The following ASPDH variants were observed in gnomAD, a reference collection of about 807,000 sequenced individuals.
ASPDH encodes aspartate dehydrogenase domain-containing protein.
In ASPDH, 25 loss-of-function variants were observed where a neutral mutation model predicts 30.5. The observed-to-expected ratio is 0.82, with a 90% CI of 0.60 to 1.14. The LOEUF (loss-of-function observed/expected upper bound fraction) is 1.14, where lower values mean the gene tolerates loss of function less well. ASPDH is among the 50% of genes most tolerant of loss of function. ASPDH has a pLI of 0.00. For missense variants in ASPDH, 401 were observed against 381.5 expected (o/e 1.05, Z -0.43); for synonymous variants, 168 against 156.3 (o/e 1.07, Z -0.56).
upstream of ASPDH, chr19:50,514,455 G>A (rs1454459485): frequency 9.9e-6 from 16 of 1,613,782 alleles, no homozygotes; most frequent in South Asian, 3.3e-5. Context: ...GCCTCCCTCC[G>A]CTCTGATCAT....
chr19:50,512,819 G>A lies in ASPDH; in HGVS notation c.283-9C>T. On this transcript the variant is annotated splice_polypyrimidine_tract_variant and intron_variant, in intron 3 of 6. Transcript: ENST00000389208. ...GCTGAGGGGGACCCCACCTGGGGTG[G>A]ATGAAGGAGGGGAGGGTTGAGGTCA... 6.2e-7 allele frequency: 1 copy of A among 1,600,916 alleles called. No homozygotes were observed. The highest frequency in any genetic ancestry group is 8.5e-7 in the Non-Finnish European group (1 of 1,173,438).
chr19:50,512,137 C>G lies in ASPDH; in HGVS notation c.807G>C (p.Leu269=). ...ATVTAFWQSL[L]ACCQLPSRPG... Reference sequence around the variant, plus strand: ...CGGGGGAGAGGGGCCTGGCCGCACCCAGGAGGCTCTGCCAGAAGGCCGTGA... The same window carrying G: ...CGGGGGAGAGGGGCCTGGCCGCACCGAGGAGGCTCTGCCAGAAGGCCGTGA... The change falls in exon 6 of 7, where the codon CTG becomes CTC. Residue 269 remains leucine, a splice_region_variant and synonymous_variant. Coordinates refer to ENST00000389208, the MANE Select transcript of ASPDH (RefSeq NM_001114598.2). The G allele has an allele frequency of 6.4e-7, 1 of 1,550,552 alleles. No homozygotes were observed. The highest frequency in any genetic ancestry group is 8.7e-7 in the Non-Finnish European group (1 of 1,154,444).
chr19:50,513,864 C>A lies in ASPDH; in HGVS notation c.-41G>T. The A allele has an allele frequency of 6.5e-7, 1 of 1,542,098 alleles. No homozygotes were observed. Among genetic ancestry groups the A allele is most frequent in the Non-Finnish European group, 8.7e-7 (1 of 1,143,174 alleles). On this transcript the variant is annotated 5_prime_UTR_variant, in exon 1 of 7. Coordinates refer to ENST00000389208, the MANE Select transcript of ASPDH (RefSeq NM_001114598.2). The surrounding 1 kb of genome is among the most constrained non-coding windows in gnomAD (Gnocchi z 4.9). ...GTCTGGGGCCTGGCTCCCTGGGCTG[C>A]TCGCTGCCCGCTGCACAAGGCCTGG...
At chr19:50,514,703 C>A, upstream of ASPDH, 2 of 1,475,396 alleles carry the variant, frequency 1.4e-6, no homozygotes, top group Non-Finnish European at 1.8e-6. Flanking sequence ...AGGCTCCCTG[C>A]CCCCAGCCAC....
upstream of ASPDH, chr19:50,514,405 A>G (rs1980138853): frequency 6.2e-7 from 1 of 1,603,234 alleles, no homozygotes; most frequent in African/African-American, 1.3e-5. Context: ...CCCGCTGCGC[A>G]GCACGGGTCC....
chr19:50,513,962 C>T (rs1037488653), upstream of ASPDH: 16 of 1,049,518 alleles, frequency 1.5e-5, no homozygotes, highest in African/African-American at 3.2e-5. The surrounding 1 kb of genome is among the most constrained non-coding windows in gnomAD (Gnocchi z 4.9). Context: ...GCAGGCCCAG[C>T]GTGGGGGCGT....
chr19:50,512,512 G>A lies in ASPDH; in HGVS notation c.501C>T (p.His167=), dbSNP rs771058223. Residue 167 remains histidine (H), a synonymous_variant, in exon 5 of 7, where the codon CAC becomes CAT. Transcript: ENST00000389208. ...AGAGCACAGTGCAAGGCCCAGGGCTGTGGGCTGCAGCCAGGGGTCCCTCAA... is the reference window on the plus strand; with the variant it reads ...AGAGCACAGTGCAAGGCCCAGGGCTATGGGCTGCAGCCAGGGGTCCCTCAA... ...FRLEGPLAAA[H]SPGPCTVLYE... is the part of the protein sequence containing the mutation. 12 of 1,541,622 alleles carry A rather than the reference G, an allele frequency of 7.8e-6. No homozygotes were observed. Among genetic ancestry groups the A allele is most frequent in the Non-Finnish European group, 9.6e-6 (11 of 1,147,028 alleles).
In ASPDH at chr19:50,513,886, CTG is replaced by C; in HGVS notation, c.-65_-64del. ...CTGCTCGCTGCCCGCTGCACAAGGC[CTG>C]GGCAGCCGCTGCTCTTTGGACATCT... On this transcript the variant is annotated 5_prime_UTR_variant, in exon 1 of 7. Transcript: ENST00000389208. The surrounding 1 kb of genome is among the most constrained non-coding windows in gnomAD (Gnocchi z 4.9). The C allele has an allele frequency of 6.6e-7, 1 of 1,522,474 alleles. No individual in the cohort carries two copies. Among genetic ancestry groups the C allele is most frequent in the Non-Finnish European group, 8.8e-7 (1 of 1,133,018 alleles). The allele number at this position is 1,522,474 out of a possible 1,614,324, so 94.3% of individuals were successfully genotyped here.
chr19:50,511,820 A>C, intron 6 of ASPDH, 47 bp from the exon 7 acceptor site: 1 of 1,256,254 alleles, frequency 8.0e-7, no homozygotes, highest in African/African-American at 1.7e-5. Context: ...AGAGATGAGG[A>C]GACAGACGCC....
upstream of ASPDH, chr19:50,514,935 A>AATT: frequency 1.0e-6 from 1 of 985,344 alleles, no homozygotes; most frequent in Non-Finnish European, 1.2e-6. Context: ...ATAAGGGAGG[A>AATT]ATTGGCTTCC....
chr19:50,512,485 G>A lies in ASPDH; in HGVS notation c.528C>T (p.Tyr176=), dbSNP rs1437903400. 1.3e-6 allele frequency: 2 copies of A among 1,583,322 alleles called. No individual in the cohort carries two copies. The highest frequency in any genetic ancestry group is 1.3e-5 in the African/African-American group (1 of 74,480). ...GGCAGAGCCCACGGACAGGGCCTTC[G>A]TAGAGCACAGTGCAAGGCCCAGGGC... ...AHSPGPCTVL[Y]EGPVRGLCPF... The change falls in exon 5 of 7, where the codon TAC becomes TAT. Residue 176 remains tyrosine, a synonymous_variant. Coordinates refer to ENST00000389208, the MANE Select transcript of ASPDH (RefSeq NM_001114598.2).
At position 50,511,678 on chromosome 19, in the gene ASPDH, G is replaced by T; in HGVS notation, c.*52C>A. 1.7e-6 allele frequency: 2 copies of T among 1,179,962 alleles called. No homozygotes were observed. Among genetic ancestry groups the T allele is most frequent in the Non-Finnish European group, 2.2e-6 (2 of 908,290 alleles). The allele number at this position is 1,179,962 out of a possible 1,614,324, so 73.1% of individuals were successfully genotyped here. On this transcript the variant is annotated 3_prime_UTR_variant, in exon 7 of 7. Transcript: ENST00000389208. ...AGTGGGGCAGGGCAGGGGTGGGATGGTGGTGGTGAGAGGCCAGGCAGATGA... is the reference window on the plus strand; with the variant it reads ...AGTGGGGCAGGGCAGGGGTGGGATGTTGGTGGTGAGAGGCCAGGCAGATGA...
Position 50,512,648 on chromosome 19 carries a change from C to T in ASPDH, c.432+13G>A. 1 of 1,530,110 alleles carries T rather than the reference C, an allele frequency of 6.5e-7. No individual in the cohort carries two copies. Among genetic ancestry groups the T allele is most frequent in the Non-Finnish European group, 8.8e-7 (1 of 1,138,026 alleles). The allele number at this position is 1,530,110 out of a possible 1,614,324, so 94.8% of individuals were successfully genotyped here. ...GGCCTCCCCTGGTTCCTGGGGAGCC[C>T]AGCAGGCCTCACCCGGAGGCCCCCA... is the stretch of plus-strand genomic sequence containing the variant. On this transcript the variant is annotated intron_variant, in intron 4 of 6. Coordinates refer to ENST00000389208, the MANE Select transcript of ASPDH (RefSeq NM_001114598.2).
At chr19:50,512,070 G>C (rs1156518690) in intron 6 of ASPDH, 66 bp downstream of exon 6, 9 of 1,359,562 alleles carry the variant, frequency 6.6e-6, no homozygotes, top group Middle Eastern at 2.6e-4. Context: ...ACTAGTGAGA[G>C]CCCGGGACCC....
At position 50,513,087 on chromosome 19, in the gene ASPDH, A is replaced by G. The variant is rs1270574934; in HGVS notation, c.198-76T>C. 2 of 1,350,758 alleles carry G rather than the reference A, an allele frequency of 1.5e-6. No individual in the cohort carries two copies. Among genetic ancestry groups the G allele is most frequent in the East Asian group, 2.3e-5 (1 of 43,070 alleles). 83.7% of individuals were successfully genotyped at this position (1,350,758 alleles called of 1,614,324 possible). ...TCTCCCCAAGGTTCCCTCCGAGTCT[A>G]CTGAGGGCTGCCCTTCTTCTCCCTG... On this transcript the variant is annotated intron_variant, in intron 2 of 6. Coordinates refer to ENST00000389208, the MANE Select transcript of ASPDH (RefSeq NM_001114598.2). The surrounding 1 kb of genome is among the most constrained non-coding windows in gnomAD (Gnocchi z 4.9).
At chr19:50,514,831 G>A (rs1980164740), upstream of ASPDH, 4 of 1,291,600 alleles carry the variant, frequency 3.1e-6, no homozygotes, top group East Asian at 7.1e-5. Flanking sequence ...TGGGTGGCGA[G>A]AGCCCCAAGT....
upstream of ASPDH, chr19:50,514,998 G>C (rs924785342): frequency 1.6e-5 from 16 of 985,312 alleles, no homozygotes; most frequent in African/African-American, 1.7e-5. Context: ...TGTAGACAGA[G>C]CCAGGAAGGG....
rs746005598 is a variant in ASPDH, at chr19:50,512,291, C to G, written c.654-1G>C. The G allele has an allele frequency of 8.7e-6, 14 of 1,613,730 alleles. No homozygotes were observed. The highest frequency in any genetic ancestry group is 1.7e-5 in the Admixed American group (1 of 59,996). On this transcript the variant is annotated splice_acceptor_variant, in intron 5 of 6. Coordinates refer to ENST00000389208, the MANE Select transcript of ASPDH (RefSeq NM_001114598.2). LOFTEE classifies it high-confidence loss of function. ...ATCCACCACGTGCATGTCCGTGAGG[C>G]TGGGACAAGAGGGGCAGTCAGTCTG...
In ASPDH at chr19:50,513,359, A is replaced by G; in HGVS notation, c.110T>C (p.Val37Ala). 6.5e-7 allele frequency: 1 copy of G among 1,542,674 alleles called. No individual in the cohort carries two copies. The highest frequency in any genetic ancestry group is 2.5e-5 in the East Asian group (1 of 40,666). Residue 37 changes from valine to alanine, a missense_variant, in exon 2 of 7, where the codon GTT becomes GCT. Physicochemically the swap from Val to Ala is moderately conservative, Grantham distance 64. Transcript: ENST00000389208. This position sits in a 1 kb window ranked among gnomAD's most constrained non-coding sequence, Gnocchi z 4.9. ...TCCTGGGTCACGATTCCAGACAAAAACAAGTTCTAGGCCAAGTTCTGGTCC... is the reference window on the plus strand; with the variant it reads ...TCCTGGGTCACGATTCCAGACAAAAGCAAGTTCTAGGCCAAGTTCTGGTCC... ...AQGPELGLEL[V>A]FVWNRDPGRM... is the part of the protein sequence containing the mutation.
Sources: allele counts gnomAD v4.1 joint callset, GRCh38; gene constraint gnomAD v4.1.1; non-coding constraint Gnocchi (gnomAD v3.1); transcripts MANE v1.5; gene names NCBI Gene and HGNC (gene_info 2026-07-23, HGNC 2026-07-21).